Variants in DACH2 observed in about 807,000 individuals in gnomAD.
The protein encoded by DACH2 is dachshund homolog 2.
Under a neutral mutation model 35.8 loss-of-function variants are expected in DACH2, and 17 were observed. That is an observed-to-expected ratio of 0.48 (90% CI 0.33 to 0.71). The LOEUF (loss-of-function observed/expected upper bound fraction) is 0.71. DACH2 is among the 30% of genes least tolerant of loss of function. DACH2 has a pLI of 0.02. For missense variants in DACH2, 469 were observed against 472.7 expected, an observed-to-expected ratio of 0.99 and a Z score of 0.07; for synonymous variants, 195 against 177.3, an observed-to-expected ratio of 1.10 and a Z score of -0.79.
chrX:86,683,819 A>G (rs1450546829), intron 4 of DACH2, among the ~76,000 whole-genome samples: 2 of 111,333 alleles, frequency 1.8e-5, no homozygotes, highest in Non-Finnish European at 3.8e-5. Context: ...AAACAACCCT[A>G]GAGTAGGTAG....
At chrX:86,719,125 G>A (rs1192895875) in intron 6 of DACH2, among the ~76,000 whole-genome samples, 1 of 111,757 alleles carries the variant, frequency 8.9e-6, no homozygotes, top group African/African-American at 3.2e-5. Flanking sequence ...TTTTCCATTT[G>A]TTTTTGACAT....
chrX:86,161,687 A>C (rs1173490438), intron 1 of DACH2, among the ~76,000 whole-genome samples: 1 of 112,225 alleles, frequency 8.9e-6, no homozygotes, highest in Non-Finnish European at 1.9e-5. Flanking sequence ...CATGATGGGC[A>C]CATATAGAAC....
At chrX:86,189,586 A>G (rs1158624748) in intron 1 of DACH2, among the ~76,000 whole-genome samples, 1 of 111,533 alleles carries the variant, frequency 9.0e-6, no homozygotes, top group Non-Finnish European at 1.9e-5. Context: ...AAGGCCCTGA[A>G]GTAGGGTGCA....
At chrX:86,748,779 C>T (rs2041740657) in intron 7 of DACH2, among the ~76,000 whole-genome samples, 1 of 111,601 alleles carries the variant, frequency 9.0e-6, no homozygotes, top group Non-Finnish European at 1.9e-5. Context: ...AGCTTTGAAG[C>T]CAGGTATGGC....
intron 2 of DACH2, among the ~76,000 whole-genome samples, chrX:86,411,044 A>ATATATATATATATATG (rs1212830530): frequency 1.1e-5 from 1 of 92,337 alleles, no homozygotes; most frequent in Non-Finnish European, 2.1e-5. Flanking sequence ...ATATATGTAT[A>ATATATATATATATATG]TATGTAAAGG....
At chrX:86,806,990 T>A (rs1270757347) in intron 7 of DACH2, among the ~76,000 whole-genome samples, 1 of 111,650 alleles carries the variant, frequency 9.0e-6, no homozygotes, top group Admixed American at 9.6e-5. Context: ...CCACTAGATG[T>A]CAGCAGTATG....
At chrX:86,245,121 A>T (rs947390451) in intron 1 of DACH2, among the ~76,000 whole-genome samples, 2 of 112,219 alleles carry the variant, frequency 1.8e-5, no homozygotes, top group Non-Finnish European at 3.8e-5. Context: ...TTGTTTTTAT[A>T]GCTATTATAA....
intron 3 of DACH2, among the ~76,000 whole-genome samples, chrX:86,604,649 C>T (rs779240206): frequency 5.4e-5 from 6 of 111,234 alleles, no homozygotes; most frequent in Non-Finnish European, 9.4e-5. Flanking sequence ...TGGAGGGATT[C>T]GATGATGTAA....
At chrX:86,799,434 CAAGGGAGATCAATGCAG>C (rs1488281686) in intron 7 of DACH2, among the ~76,000 whole-genome samples, 1 of 112,012 alleles carries the variant, frequency 8.9e-6, no homozygotes, top group Non-Finnish European at 1.9e-5. Flanking sequence ...TCTGCAGCTC[CAAGGGAGATCAATGCAG>C]AAGGCAGGTG....
intron 1 of DACH2, among the ~76,000 whole-genome samples, chrX:86,307,432 G>T (rs776119439): frequency 2.7e-5 from 3 of 111,893 alleles, no homozygotes; most frequent in Non-Finnish European, 5.6e-5. Flanking sequence ...ATGGGGATGT[G>T]TGAGAAGACC....
intron 6 of DACH2, among the ~76,000 whole-genome samples, chrX:86,716,550 A>G (rs2041338524): frequency 9.0e-6 from 1 of 111,333 alleles, no homozygotes; most frequent in African/African-American, 3.3e-5. Flanking sequence ...AGACAAACAA[A>G]AGCACTTCAA....
At chrX:86,272,920 G>A (rs1260049761) in intron 1 of DACH2, among the ~76,000 whole-genome samples, 2 of 111,360 alleles carry the variant, frequency 1.8e-5, no homozygotes, top group African/African-American at 3.3e-5. Context: ...TGACTGCATT[G>A]TAGTTATGTT....
intron 2 of DACH2, among the ~76,000 whole-genome samples, chrX:86,452,708 T>C (rs1240364033): frequency 8.9e-6 from 1 of 111,787 alleles, no homozygotes; most frequent in Non-Finnish European, 1.9e-5. Flanking sequence ...TTCTTCTCTC[T>C]TTTTTCTTTA....
intron 1 of DACH2, among the ~76,000 whole-genome samples, chrX:86,165,945 G>A (rs2030928588): frequency 9.0e-6 from 1 of 111,529 alleles, no homozygotes; most frequent in African/African-American, 3.2e-5. Flanking sequence ...AAGTTTTCTT[G>A]TAGCAGTTTC....
At chrX:86,318,066 A>G in intron 1 of DACH2, among the ~76,000 whole-genome samples, 1 of 112,377 alleles carries the variant, frequency 8.9e-6, no homozygotes. Flanking sequence ...CACTGATGCA[A>G]ACAACTATAT....
intron 7 of DACH2, among the ~76,000 whole-genome samples, chrX:86,802,981 GTTA>G (rs2042309227): frequency 8.9e-6 from 1 of 112,161 alleles, no homozygotes; most frequent in African/African-American, 3.2e-5. Context: ...CTCATAAAAT[GTTA>G]TTTTTTGTGC....
intron 1 of DACH2, among the ~76,000 whole-genome samples, chrX:86,210,852 A>G (rs2032429307): frequency 8.9e-6 from 1 of 112,059 alleles, no homozygotes; most frequent in Admixed American, 9.5e-5. Context: ...AGTAAATAGA[A>G]TGTCAGACGT....
intron 2 of DACH2, among the ~76,000 whole-genome samples, chrX:86,484,867 C>A (rs998761028): frequency 8.9e-6 from 1 of 111,781 alleles, no homozygotes; most frequent in African/African-American, 3.2e-5. Flanking sequence ...TTTTACTATG[C>A]AAAATTAAAC....
At chrX:86,743,851 G>A (rs2041683183) in intron 7 of DACH2, among the ~76,000 whole-genome samples, 1 of 111,186 alleles carries the variant, frequency 9.0e-6, no homozygotes, top group Non-Finnish European at 1.9e-5. Flanking sequence ...CACAGGTAAT[G>A]AAAGTCTAGT....
Sources: gnomAD v4.1 joint callset for allele counts (sites outside exome capture counted in the v4.1 genomes callset) on GRCh38, gnomAD v4.1.1 for gene constraint, MANE v1.5 for transcripts, NCBI Gene and HGNC (gene_info 2026-07-23, HGNC 2026-07-21) for gene names.